The following PCDH15 variants were observed in gnomAD, a reference collection of about 807,000 sequenced individuals.
The protein encoded by PCDH15 is protocadherin-15.
In PCDH15, 129 loss-of-function variants were observed where a neutral mutation model predicts 178.5. That is an observed-to-expected ratio of 0.72 (90% CI 0.63 to 0.84). PCDH15 has a LOEUF of 0.84. Ranked by LOEUF, PCDH15 falls within the 40% of genes least tolerant of loss-of-function variation. The pLI is 0.00. For missense variants in PCDH15, 2,230 were observed against 2,099.9 expected, an observed-to-expected ratio of 1.06 and a Z score of -1.21; for synonymous variants, 800 against 732.0, an observed-to-expected ratio of 1.09 and a Z score of -1.50.
intron 8 of PCDH15, among the ~76,000 whole-genome samples, chr10:54,280,341 G>C (rs1359948754): frequency 4.8e-5 from 7 of 144,572 alleles, no homozygotes; most frequent in Non-Finnish European, 9.1e-5. Context: ...TTTATCCTAT[G>C]CCTCTAACCA....
At chr10:55,474,886 C>T (rs926200317) in intron 2 of PCDH15, among the ~76,000 whole-genome samples, 2 of 152,120 alleles carry the variant, frequency 1.3e-5, no homozygotes, top group African/African-American at 4.8e-5. Flanking sequence ...CATGAATAAG[C>T]CCTGTCGATT....
chr10:55,028,930 C>T (rs1046744724), intron 2 of PCDH15, among the ~76,000 whole-genome samples: 6 of 152,066 alleles, frequency 3.9e-5, no homozygotes, highest in Non-Finnish European at 5.9e-5. Context: ...TTCTGTTTCA[C>T]GTAATCATAG....
chr10:55,077,398 TCTTCCTTCCTTCCTTC>T lies in PCDH15; in HGVS notation c.-80+89162_-80+89177del, dbSNP rs58045517. Among the ~76,000 whole-genome samples the T allele has an allele frequency of 2.6e-3, 356 of 137,576 alleles. 1 individual carries two copies. Among genetic ancestry groups the T allele is most frequent in the East Asian group, 0.013 (62 of 4,714 alleles). The allele number at this position is 137,576 out of a possible 152,430, so 90.3% of individuals were successfully genotyped here. A position where few individuals can be genotyped will look rare whatever the true frequency, so the allele number is the denominator to read the frequency against. The stretch of plus-strand genomic sequence containing the variant: ...GTCCCTATGGTTTGGTGGTTTTCTC[TCTTCCTTCCTTCCTTC>T]CTTCCTTCCTTCCTTCCTTCCTTTC... On this transcript the variant is annotated intron_variant, in intron 2 of 5. Coordinates refer to the PCDH15 transcript ENST00000458638.
At chr10:54,982,992 T>C (rs1407910562) in intron 2 of PCDH15, among the ~76,000 whole-genome samples, 13 of 152,082 alleles carry the variant, frequency 8.5e-5, no homozygotes, top group Admixed American at 8.5e-4. Context: ...GCTAACATAA[T>C]GTAGAGCCTA....
At chr10:54,653,715 C>G (rs916777338) in intron 2 of PCDH15, among the ~76,000 whole-genome samples, 6 of 152,176 alleles carry the variant, frequency 3.9e-5, no homozygotes, top group Non-Finnish European at 8.8e-5. Flanking sequence ...AGTGCCAACT[C>G]AGTGTTATTC....
At chr10:55,337,539 C>G (rs1409544001) in intron 2 of PCDH15, among the ~76,000 whole-genome samples, 1 of 152,122 alleles carries the variant, frequency 6.6e-6, no homozygotes, top group Admixed American at 6.6e-5. Context: ...TAGTAACATA[C>G]TAGAATGTAT....
intron 2 of PCDH15, among the ~76,000 whole-genome samples, chr10:55,392,323 T>A (rs1165176131): frequency 6.6e-6 from 1 of 152,200 alleles, no homozygotes; most frequent in East Asian, 1.9e-4. Flanking sequence ...GTAAAAGAAA[T>A]GCAATAGTTG....
chr10:54,361,947 A>G (rs934551587), intron 5 of PCDH15, among the ~76,000 whole-genome samples: 1 of 152,178 alleles, frequency 6.6e-6, no homozygotes, highest in African/African-American at 2.4e-5. Context: ...TAGATTGGCT[A>G]CTTATCAGCA....
intron 15 of PCDH15, among the ~76,000 whole-genome samples, chr10:54,103,401 C>T (rs887591178): frequency 6.6e-6 from 1 of 152,168 alleles, no homozygotes; most frequent in African/African-American, 2.4e-5. Context: ...TGGCCCATGC[C>T]ACCTTGGGAT....
intron 2 of PCDH15, among the ~76,000 whole-genome samples, chr10:54,975,874 G>T (rs1332247296): frequency 6.6e-6 from 1 of 152,106 alleles, no homozygotes; most frequent in African/African-American, 2.4e-5. Flanking sequence ...TAGCACACTG[G>T]GGAATCCCTG....
chr10:53,828,132 G>A (rs2076804276), intron 31 of PCDH15, among the ~76,000 whole-genome samples: 1 of 143,370 alleles, frequency 7.0e-6, no homozygotes, highest in African/African-American at 2.6e-5. Context: ...CTTGAACCCG[G>A]GAGGCGGAGG....
chr10:54,626,222 G>A (rs1191684686), intron 2 of PCDH15, among the ~76,000 whole-genome samples: 1 of 152,150 alleles, frequency 6.6e-6, no homozygotes, highest in African/African-American at 2.4e-5. Context: ...GCCTAATGAT[G>A]TGATAGAAAA....
At chr10:53,861,015 A>G (rs1310666131) in intron 27 of PCDH15, among the ~76,000 whole-genome samples, 1 of 152,174 alleles carries the variant, frequency 6.6e-6, no homozygotes, top group African/African-American at 2.4e-5. Flanking sequence ...TGAATGTGCT[A>G]ATGTCTGGTT....
intron 2 of PCDH15, among the ~76,000 whole-genome samples, chr10:55,067,850 A>G (rs2132007790): frequency 6.6e-6 from 1 of 152,140 alleles, no homozygotes; most frequent in African/African-American, 2.4e-5. Flanking sequence ...AGTGATGATG[A>G]GCATTTTTTC....
chr10:54,110,047 G>C (rs1371088965), intron 15 of PCDH15, among the ~76,000 whole-genome samples: 3 of 152,060 alleles, frequency 2.0e-5, no homozygotes, highest in Non-Finnish European at 4.4e-5. Context: ...TTTGGGGTAT[G>C]GTATTTGTGG....
At chr10:54,983,655 G>C (rs778005888) in intron 2 of PCDH15, among the ~76,000 whole-genome samples, 1 of 152,100 alleles carries the variant, frequency 6.6e-6, no homozygotes, top group African/African-American at 2.4e-5. Flanking sequence ...TATAACCTTA[G>C]CAGTTCATGT....
chr10:54,654,686 C>A (rs149119358), intron 2 of PCDH15, among the ~76,000 whole-genome samples: 1 of 152,136 alleles, frequency 6.6e-6, no homozygotes, highest in Non-Finnish European at 1.5e-5. Flanking sequence ...CAGAGCCAAG[C>A]AAGTTTATAA....
At chr10:53,959,387 A>G (rs991042633) in intron 23 of PCDH15, among the ~76,000 whole-genome samples, 3 of 151,892 alleles carry the variant, frequency 2.0e-5, no homozygotes, top group African/African-American at 7.2e-5. Context: ...TGGAAATTGA[A>G]TGAAATGTTC....
chr10:54,937,198 T>C (rs1670821), intron 2 of PCDH15, among the ~76,000 whole-genome samples: 69,047 of 151,696 alleles, frequency 0.46, 15,944 homozygotes, highest in Middle Eastern at 0.54. Flanking sequence ...AGATCATACT[T>C]TTGATTACCG....
Sources: gnomAD v4.1 joint callset for allele counts (sites outside exome capture counted in the v4.1 genomes callset) on GRCh38, gnomAD v4.1.1 for gene constraint, MANE v1.5 for transcripts, NCBI Gene and HGNC (gene_info 2026-07-23, HGNC 2026-07-21) for gene names.